The following DCLRE1C variants were observed in gnomAD, a reference collection of about 807,000 sequenced individuals.
The protein encoded by DCLRE1C is DNA cross-link repair 1C, also known as protein artemis.
A neutral mutation model predicts 61.4 loss-of-function variants in DCLRE1C; 47 were observed. The observed-to-expected ratio is 0.77, with a 90% CI of 0.61 to 0.98. The LOEUF (loss-of-function observed/expected upper bound fraction) is 0.98, where lower values mean the gene tolerates loss of function less well. DCLRE1C is among the 50% of genes least tolerant of loss of function. The pLI is 0.00. For synonymous variants in DCLRE1C, 337 were observed against 287.6 expected (o/e 1.17, Z -1.74); for missense variants, 858 against 816.0 (o/e 1.05, Z -0.63).
downstream of DCLRE1C, among the ~76,000 whole-genome samples, chr10:14,901,749 T>G (rs1834035561): frequency 6.6e-6 from 1 of 151,924 alleles, no homozygotes; most frequent in Non-Finnish European, 1.5e-5. Flanking sequence ...GAGGATGGCT[T>G]GAGACAGGGA....
chr10:14,910,898 G>C (rs1447484878), intron 13 of DCLRE1C, among the ~76,000 whole-genome samples: 2 of 152,182 alleles, frequency 1.3e-5, no homozygotes, highest in African/African-American at 4.8e-5. Context: ...TGAGTCCTAT[G>C]ATTGCCTGAC....
intron 13 of DCLRE1C, among the ~76,000 whole-genome samples, chr10:14,919,287 G>C (rs961518844): frequency 2.0e-5 from 3 of 152,172 alleles, no homozygotes; most frequent in African/African-American, 7.2e-5. Flanking sequence ...ACAAAGTATA[G>C]AGAAAAATCC....
At chr10:14,913,319 G>A (rs544215013) in intron 13 of DCLRE1C, among the ~76,000 whole-genome samples, 1 of 152,350 alleles carries the variant, frequency 6.6e-6, no homozygotes, top group African/African-American at 2.4e-5. Flanking sequence ...AGATAGTGGG[G>A]ATGATTGTAC....
At chr10:14,922,861 T>G in intron 12 of DCLRE1C, 120 bp downstream of exon 12, 1 of 781,456 alleles carries the variant, frequency 1.3e-6, no homozygotes, top group African/African-American at 1.7e-5. Context: ...GAGTATCAGT[T>G]CAGAAATGTC....
In DCLRE1C at chr10:14,942,890, C is replaced by G. The variant is rs1484356816; in HGVS notation, c.246+2215G>C. Among the ~76,000 whole-genome samples the G allele has an allele frequency of 5.3e-5, 8 of 152,208 alleles. No homozygotes were observed. The South Asian group carries it at 8.3e-4, about 16-fold the overall frequency. On this transcript the variant is annotated intron_variant, in intron 3 of 13. Coordinates refer to ENST00000378278, the MANE Select transcript of DCLRE1C (RefSeq NM_001033855.3). ...CCTGTAATCCCAGCCCTTGGGTGGC[C>G]GAGGCGGGAGGATCACCTGAGGGCA...
intron 10 of DCLRE1C, among the ~76,000 whole-genome samples, chr10:14,927,177 T>C (rs1470824688): frequency 6.6e-6 from 1 of 151,982 alleles, no homozygotes; most frequent in African/African-American, 2.4e-5. Context: ...AGCTCAGGAG[T>C]TCGAGACCAG....
At chr10:14,938,672 T>C (rs1460021691) in intron 4 of DCLRE1C, among the ~76,000 whole-genome samples, 10 of 152,180 alleles carry the variant, frequency 6.6e-5, no homozygotes, top group Admixed American at 5.2e-4. Context: ...AATTTAATGA[T>C]GAAAAATAAT....
At chr10:14,935,044 G>A (rs1402838102) in intron 6 of DCLRE1C, among the ~76,000 whole-genome samples, 9 of 151,640 alleles carry the variant, frequency 5.9e-5, no homozygotes, top group Admixed American at 3.3e-4. Flanking sequence ...GGCTGGTCTC[G>A]AACTCCTGGC....
exon 14 of DCLRE1C, chr10:14,897,486 G>A (rs1833667609): frequency 6.4e-7 from 1 of 1,570,920 alleles, no homozygotes; most frequent in Non-Finnish European, 8.7e-7. Flanking sequence ...AAGATTAAAA[G>A]AATGAGTTTT....
chr10:14,935,929 A>T (rs556009370), intron 5 of DCLRE1C, among the ~76,000 whole-genome samples: 1 of 152,194 alleles, frequency 6.6e-6, no homozygotes, highest in African/African-American at 2.4e-5. Context: ...TTATTTTGAG[A>T]TAAGAGTCTT....
chr10:14,908,863 G>T lies in DCLRE1C; in HGVS notation c.1624C>A (p.His542Asn). 1 of 1,614,200 alleles carries T rather than the reference G, an allele frequency of 6.2e-7. No individual in the cohort carries two copies. Among genetic ancestry groups the T allele is most frequent in the Admixed American group, 1.7e-5 (1 of 60,024 alleles). ...ISSQNSSQST[H>N]ITEQGSQGWD... ...CCTTGACTTCCTTGTTCTGTTATGT[G>T]TGTTGACTGGGAAGAATTCTGGGAG... is the stretch of plus-strand genomic sequence containing the variant. Residue 542 changes from histidine (H) to asparagine (N), a missense_variant, in exon 14 of 14, where the codon CAC becomes AAC. His to Asn is a moderately conservative substitution (Grantham distance 68, BLOSUM62 1). Coordinates refer to ENST00000378278, the MANE Select transcript of DCLRE1C (RefSeq NM_001033855.3).
In DCLRE1C at chr10:14,934,378, A is replaced by C. The variant is rs1215422400; in HGVS notation, c.678+2T>G. Reference sequence around the variant, plus strand: ...AAAGAAAAGAATGAACAGTCACCATACCTGGACTCCTAATTCTTCACTAAG... The same window carrying C: ...AAAGAAAAGAATGAACAGTCACCATCCCTGGACTCCTAATTCTTCACTAAG... On this transcript the variant is annotated splice_donor_variant, in intron 8 of 13. Coordinates refer to ENST00000378278, the MANE Select transcript of DCLRE1C (RefSeq NM_001033855.3). LOFTEE classifies it high-confidence loss of function. 1.2e-6 allele frequency: 2 copies of C among 1,613,962 alleles called. No individual in the cohort carries two copies. The highest frequency in any genetic ancestry group is 1.7e-6 in the Non-Finnish European group (2 of 1,179,976).
intron 9 of DCLRE1C, among the ~76,000 whole-genome samples, chr10:14,932,628 T>A (rs1266770614): frequency 6.6e-6 from 1 of 151,508 alleles, no homozygotes. Context: ...AGAGTGAGAC[T>A]CCATCTCAAA....
intron 13 of DCLRE1C, 57 bp from the exon 14 acceptor site, chr10:14,909,387 G>T: frequency 6.8e-7 from 1 of 1,467,392 alleles, no homozygotes; most frequent in Non-Finnish European, 9.3e-7. Flanking sequence ...CCAATTTGTA[G>T]TATTTATCTG....
rs1834738657 is a variant in DCLRE1C at position 14,908,725 on chromosome 10, C to T, written c.1762G>A (p.Ala588Thr). The T allele has an allele frequency of 1.2e-6, 2 of 1,614,160 alleles. No individual in the cohort carries two copies. Among genetic ancestry groups the T allele is most frequent in the African/African-American group, 2.7e-5 (2 of 75,042 alleles). Residue 588 changes from alanine to threonine, a missense_variant, in exon 14 of 14, where the codon GCC (alanine) becomes ACC (threonine). Coordinates refer to ENST00000378278, the MANE Select transcript of DCLRE1C (RefSeq NM_001033855.3). ...ATTACATTTTGTTCCATGAGAGAGGCAGGAATATTCTCTTTGATTGTTGGT... is the reference window on the plus strand; with the variant it reads ...ATTACATTTTGTTCCATGAGAGAGGTAGGAATATTCTCTTTGATTGTTGGT... ...YRPTIKENIP[A>T]SLMEQNVICP...
chr10:14,943,783 T>A (rs41296948), intron 3 of DCLRE1C, among the ~76,000 whole-genome samples: 1 of 147,970 alleles, frequency 6.8e-6, no homozygotes, highest in Non-Finnish European at 1.5e-5. Context: ...TGACCTCAGG[T>A]GAGCTGCCCG....
chr10:14,899,523 A>G (rs1833851122), intron 13 of DCLRE1C: 2 of 1,613,028 alleles, frequency 1.2e-6, no homozygotes, highest in South Asian at 1.1e-5. Flanking sequence ...ATATACTTAC[A>G]GTTTTTTCTG....
exon 14 of DCLRE1C, chr10:14,898,723 A>G (rs1459203098): frequency 1.3e-5 from 2 of 152,508 alleles, no homozygotes; most frequent in African/African-American, 4.8e-5. Flanking sequence ...TGTGTTCTTA[A>G]GAGCAGAACT....
chr10:14,935,965 G>A (rs1047256499), intron 5 of DCLRE1C, among the ~76,000 whole-genome samples: 6 of 152,200 alleles, frequency 3.9e-5, no homozygotes, highest in African/African-American at 7.2e-5. Context: ...CTGCAAGGCA[G>A]TGGCTCAATC....
Sources: allele counts gnomAD v4.1 joint callset (sites outside exome capture counted in the v4.1 genomes callset), GRCh38; gene constraint gnomAD v4.1.1; transcripts MANE v1.5; gene names NCBI Gene and HGNC (gene_info 2026-07-23, HGNC 2026-07-21).